The following GRK5 variants were observed in gnomAD, a reference collection of about 807,000 sequenced individuals.
The protein encoded by GRK5 is g protein-coupled receptor kinase GRK5.
GRK5 carries 40 observed loss-of-function variants against 78.4 expected under a neutral mutation model. The observed-to-expected ratio is 0.51, with a 90% CI of 0.40 to 0.66. The LOEUF (loss-of-function observed/expected upper bound fraction) is 0.66, where lower values mean the gene tolerates loss of function less well. Among genes scored for constraint, GRK5 ranks in the 30% least tolerant of loss-of-function variants. The pLI, the probability that GRK5 is intolerant of heterozygous loss-of-function variation, is 0.00. For missense variants in GRK5, 598 were observed against 759.9 expected (o/e 0.79, Z 2.50); for synonymous variants, 289 against 296.8 (o/e 0.97, Z 0.27).
intron 4 of GRK5, among the ~76,000 whole-genome samples, chr10:119,404,383 A>G (rs1202836489): frequency 2.6e-5 from 4 of 152,232 alleles, no homozygotes; most frequent in Non-Finnish European, 5.9e-5. Context: ...ATGTCAAGTC[A>G]TAAGAGTTCT....
chr10:119,380,261 A>G (rs1482091755), intron 2 of GRK5, among the ~76,000 whole-genome samples: 1 of 151,994 alleles, frequency 6.6e-6, no homozygotes, highest in African/African-American at 2.4e-5. Context: ...CAGGGCACCA[A>G]CTCTACTTCT....
chr10:119,389,661 C>T (rs116058410), intron 3 of GRK5, among the ~76,000 whole-genome samples: 2,289 of 152,316 alleles, frequency 0.015, 59 homozygotes, highest in African/African-American at 0.05. Flanking sequence ...GGCAGGCCAA[C>T]GAGTCCTTTC....
chr10:119,439,485 T>G (rs1852987817), intron 9 of GRK5, among the ~76,000 whole-genome samples: 1 of 152,248 alleles, frequency 6.6e-6, no homozygotes, highest in South Asian at 2.1e-4. Context: ...TTTTCCTAAC[T>G]TTCCCAGTCA....
intron 2 of GRK5, among the ~76,000 whole-genome samples, chr10:119,329,654 T>C (rs942493401): frequency 1.8e-4 from 28 of 152,104 alleles, no homozygotes; most frequent in South Asian, 8.3e-4. Context: ...CACTTGAACC[T>C]GGGAGGCAGA....
intron 1 of GRK5, among the ~76,000 whole-genome samples, chr10:119,249,291 A>AAAAAC (rs1849161655): frequency 6.6e-6 from 1 of 152,068 alleles, no homozygotes; most frequent in Non-Finnish European, 1.5e-5. Context: ...AAAACGAAAA[A>AAAAAC]CAAAAAGGAG....
At chr10:119,384,336 C>T (rs1405059554) in intron 3 of GRK5, among the ~76,000 whole-genome samples, 1 of 152,196 alleles carries the variant, frequency 6.6e-6, no homozygotes, top group Admixed American at 6.5e-5. Flanking sequence ...CACTGCTGCC[C>T]CGTGCTGGCA....
At chr10:119,315,102 C>G (rs1850463107) in intron 1 of GRK5, among the ~76,000 whole-genome samples, 1 of 152,162 alleles carries the variant, frequency 6.6e-6, no homozygotes, top group South Asian at 2.1e-4. Context: ...CTGGTGTAAC[C>G]CTCCTGGATC....
In GRK5 at chr10:119,436,848, G is replaced by A. The variant is rs1852930583; in HGVS notation, c.929+7G>A. ...GTGAGAACACCGTCTACCGGTGAGT[G>A]GAAGGCACCAAGGACTTCCAAGTCT... On this transcript the variant is annotated splice_region_variant and intron_variant, in intron 9 of 15. Transcript: ENST00000392870. 6 of 1,585,454 alleles carry A rather than the reference G, an allele frequency of 3.8e-6. No individual in the cohort carries two copies. Among genetic ancestry groups the A allele is most frequent in the Non-Finnish European group, 5.2e-6 (6 of 1,162,692 alleles).
chr10:119,418,800 A>T (rs1852513257), intron 4 of GRK5, among the ~76,000 whole-genome samples: 1 of 152,098 alleles, frequency 6.6e-6, no homozygotes, highest in African/African-American at 2.4e-5. Context: ...TGGTGACCTG[A>T]GGGGGTCCCG....
intron 2 of GRK5, chr10:119,333,187 C>T (rs867763826): frequency 6.6e-6 from 1 of 152,360 alleles, no homozygotes; most frequent in South Asian, 2.1e-4. Context: ...GTTTGCTGTA[C>T]CCATTTAACC....
intron 8 of GRK5, among the ~76,000 whole-genome samples, chr10:119,433,450 C>T (rs1238229692): frequency 6.6e-6 from 1 of 152,156 alleles, no homozygotes; most frequent in African/African-American, 2.4e-5. Context: ...GCTGCACCTT[C>T]TTTAACTGTG....
intron 13 of GRK5, among the ~76,000 whole-genome samples, chr10:119,449,119 C>T (rs1853220607): frequency 6.6e-6 from 1 of 152,238 alleles, no homozygotes; most frequent in Admixed American, 6.5e-5. Context: ...ACTGCATCTC[C>T]AGAGAGCTCA....
intron 2 of GRK5, among the ~76,000 whole-genome samples, chr10:119,344,380 C>A (rs896375342): frequency 2.6e-5 from 4 of 152,128 alleles, no homozygotes; most frequent in Admixed American, 2.0e-4. Flanking sequence ...CATCCTGTGT[C>A]CAAGTGATCT....
At chr10:119,406,456 G>T (rs769358307) in intron 4 of GRK5, 138 of 964,414 alleles carry the variant, frequency 1.4e-4, no homozygotes, top group Non-Finnish European at 1.6e-4. Flanking sequence ...AATATGGGAA[G>T]CTTGGGCAAA....
intron 6 of GRK5, among the ~76,000 whole-genome samples, chr10:119,425,755 A>G (rs1473006058): frequency 6.6e-6 from 1 of 152,174 alleles, no homozygotes; most frequent in Admixed American, 6.5e-5. Context: ...AATGGGGGAG[A>G]CCAAGTGTCT....
chr10:119,265,332 C>T (rs1028796521), intron 1 of GRK5, among the ~76,000 whole-genome samples: 1 of 152,172 alleles, frequency 6.6e-6, no homozygotes, highest in African/African-American at 2.4e-5. Context: ...AGGATGTTGA[C>T]CTAAAGTTGG....
rs2133920449 is a variant in GRK5 at position 119,452,380 on chromosome 10, G to T, written c.1405-291G>T. 2.7e-6 allele frequency: 1 copy of T among 375,764 alleles called. No homozygotes were observed. Among genetic ancestry groups the T allele is most frequent in the African/African-American group, 2.0e-5 (1 of 49,120 alleles). The allele number at this position is 375,764 out of a possible 1,614,324, so 23.3% of individuals were successfully genotyped here. A position where few individuals can be genotyped will look rare whatever the true frequency, so the allele number is the denominator to read the frequency against. On this transcript the variant is annotated intron_variant, in intron 13 of 15. Transcript: ENST00000392870. This position sits in a 1 kb window ranked among gnomAD's most constrained non-coding sequence, Gnocchi z 4.4. Reference sequence around the variant, plus strand: ...GAGCTCCTGTGTCACCCCAGCCAGGGTCCCCGTCATGGATCTGAGAGAGGG... The same window carrying T: ...GAGCTCCTGTGTCACCCCAGCCAGGTTCCCCGTCATGGATCTGAGAGAGGG...
intron 3 of GRK5, among the ~76,000 whole-genome samples, chr10:119,394,275 C>CACGT (rs1554916264): frequency 0.044 from 834 of 19,052 alleles, 45 homozygotes; most frequent in East Asian, 0.14. Flanking sequence ...TGTGTGTGGG[C>CACGT]GTGTGTGTGG....
Position 119,313,103 on chromosome 10 carries a change from AATGATGGTAGTGGTGATGGTG to A in GRK5, c.53-13403_53-13383del, listed in dbSNP as rs1345854968. 1.7e-3 allele frequency among the ~76,000 whole-genome samples: 84 copies of A among 48,580 alleles called. 1 individual carries two copies. Among genetic ancestry groups the A allele is most frequent in the African/African-American group, 6.8e-3 (78 of 11,552 alleles). The allele number at this position is 48,580 out of a possible 152,430, so 31.9% of individuals were successfully genotyped here. ...TGGTGGTGGTGATGGTGGTGATGGT[AATGATGGTAGTGGTGATGGTG>A]ATGATGGTAATGATGGTAGTGGTGA... On this transcript the variant is annotated intron_variant, in intron 1 of 15. Transcript: ENST00000392870.
Sources: gnomAD v4.1 joint callset for allele counts (sites outside exome capture counted in the v4.1 genomes callset) on GRCh38, gnomAD v4.1.1 for gene constraint, Gnocchi (gnomAD v3.1) non-coding constraint, MANE v1.5 for transcripts, NCBI Gene and HGNC (gene_info 2026-07-23, HGNC 2026-07-21) for gene names.